HERPUD2: variants seen among roughly 807,000 people sequenced by gnomAD.
HERPUD2 encodes the protein HERPUD family member 2, also known as homocysteine-responsive endoplasmic reticulum-resident ubiquitin-like domain member 2 protein.
In HERPUD2, 13 loss-of-function variants were observed where a neutral mutation model predicts 49.9. The ratio of observed to expected loss-of-function variants is 0.26; its 90% CI spans 0.17 to 0.41. The LOEUF is 0.41. Among genes scored for constraint, HERPUD2 ranks in the 10% least tolerant of loss-of-function variants. HERPUD2 has a pLI of 1.00. For missense variants in HERPUD2, 449 were observed against 492.2 expected, an observed-to-expected ratio of 0.91 and a Z score of 0.83; for synonymous variants, 172 against 171.4, an observed-to-expected ratio of 1.00 and a Z score of -0.03.
chr7:35,656,440 AT>A (rs1785276658), intron 5 of HERPUD2, among the ~76,000 whole-genome samples: 1 of 152,078 alleles, frequency 6.6e-6, no homozygotes, highest in African/African-American at 2.4e-5. Context: ...TACCAATGTC[AT>A]TTTTTACAGA....
At chr7:35,667,736 G>A (rs6970687) in intron 4 of HERPUD2, 148 bp from the exon 5 acceptor site, 86,554 of 573,690 alleles carry the variant, frequency 0.15, 7,844 homozygotes, top group East Asian at 0.32. Flanking sequence ...TCCAGTATAA[G>A]TAGATATTTT....
At chr7:35,641,685 T>G (rs1784969760) in intron 5 of HERPUD2, among the ~76,000 whole-genome samples, 1 of 152,150 alleles carries the variant, frequency 6.6e-6, no homozygotes, top group Non-Finnish European at 1.5e-5. Flanking sequence ...CTGTCTGATC[T>G]TTGATAAAGC....
intron 5 of HERPUD2, among the ~76,000 whole-genome samples, chr7:35,665,250 C>T (rs1374382636): frequency 6.6e-6 from 1 of 152,224 alleles, no homozygotes; most frequent in South Asian, 2.1e-4. Flanking sequence ...CCTCCTTGAG[C>T]TGAGGTGGGC....
intron 2 of HERPUD2, among the ~76,000 whole-genome samples, chr7:35,675,538 C>T (rs10261410): frequency 0.61 from 92,296 of 151,954 alleles, 28,449 homozygotes; most frequent in East Asian, 0.73. Flanking sequence ...GATACTTTTA[C>T]GTCATATCAT....
Position 35,694,262 on chromosome 7 carries a change from G to T in HERPUD2, c.69C>A (p.Asp23Glu). 6.2e-7 allele frequency: 1 copy of T among 1,614,066 alleles called. No individual in the cohort carries two copies. The highest frequency in any genetic ancestry group is 8.5e-7 in the Non-Finnish European group (1 of 1,179,992). Residue 23 changes from aspartate (D) to glutamate (E), a missense_variant, in exon 2 of 9, where the codon GAC becomes GAA. Physicochemically the swap from Asp to Glu is conservative, Grantham distance 45. Coordinates refer to ENST00000311350, the MANE Select transcript of HERPUD2 (RefSeq NM_022373.5). Reference sequence around the variant, plus strand: ...AGTTCAAGAAGCAGCTAATAGTCTGGTCACTGTATTTCTGATTCGGTGCTT... The same window carrying T: ...AGTTCAAGAAGCAGCTAATAGTCTGTTCACTGTATTTCTGATTCGGTGCTT... ...IIKAPNQKYS[D>E]QTISCFLNWT... is the part of the protein sequence containing the mutation.
At chr7:35,633,884 T>G (rs1421884598) in intron 8 of HERPUD2, 33 bp from the exon 9 acceptor site, 19 of 1,597,964 alleles carry the variant, frequency 1.2e-5, no homozygotes, top group Non-Finnish European at 1.5e-5. Context: ...TACTCCTGAG[T>G]GATATGAACG....
intron 5 of HERPUD2, among the ~76,000 whole-genome samples, chr7:35,645,558 C>T (rs1785039716): frequency 6.6e-6 from 1 of 152,090 alleles, no homozygotes; most frequent in African/African-American, 2.4e-5. Context: ...GCCCTCACTT[C>T]CATTGTCAAT....
intron 5 of HERPUD2, among the ~76,000 whole-genome samples, chr7:35,658,844 T>A (rs1210300436): frequency 6.6e-6 from 1 of 152,206 alleles, no homozygotes. Context: ...AATGTATTGC[T>A]TTGTCCTTCT....
Position 35,673,206 on chromosome 7 carries a change from T to C in HERPUD2, c.220A>G (p.Arg74Gly), listed in dbSNP as rs1785681915. The C allele has an allele frequency of 6.2e-7, 1 of 1,610,842 alleles. No individual in the cohort carries two copies. The highest frequency in any genetic ancestry group is 1.3e-5 in the African/African-American group (1 of 74,852). The change falls in exon 3 of 9, where the codon AGA (arginine) becomes GGA (glycine). Residue 74 changes from arginine (R) to glycine (G), a missense_variant. Coordinates refer to ENST00000311350, the MANE Select transcript of HERPUD2 (RefSeq NM_022373.5). ...ATAGTGGTAGAAAAGCTTACTTTTC[T>C]GAGAATGTCTTTCAGCTGCAGATGA... ...PDHLQLKDIL[R>G]KQDEYHMVHL...
intron 5 of HERPUD2, among the ~76,000 whole-genome samples, chr7:35,649,680 T>C (rs140862313): frequency 4.2e-4 from 64 of 152,296 alleles, no homozygotes; most frequent in African/African-American, 1.3e-3. Flanking sequence ...AAAATATTAT[T>C]GGCAATTGGG....
intron 5 of HERPUD2, among the ~76,000 whole-genome samples, chr7:35,656,603 G>A (rs1785280067): frequency 1.3e-5 from 2 of 152,172 alleles, no homozygotes; most frequent in Admixed American, 1.3e-4. Context: ...CATGGTATTG[G>A]TATAAAAATA....
At chr7:35,655,421 T>G (rs186050274) in intron 5 of HERPUD2, among the ~76,000 whole-genome samples, 5 of 152,186 alleles carry the variant, frequency 3.3e-5, no homozygotes, top group Admixed American at 6.5e-5. Context: ...ATTCAATAGA[T>G]GCAAATCAAT....
At chr7:35,688,828 C>T (rs865957023) in intron 2 of HERPUD2, among the ~76,000 whole-genome samples, 2 of 151,960 alleles carry the variant, frequency 1.3e-5, no homozygotes, top group Non-Finnish European at 2.9e-5. Flanking sequence ...TAAGTCCAAC[C>T]TGGGTTCAAA....
intron 6 of HERPUD2, among the ~76,000 whole-genome samples, chr7:35,635,965 A>C (rs1784865585): frequency 6.6e-6 from 1 of 152,236 alleles, no homozygotes; most frequent in South Asian, 2.1e-4. Context: ...AATACATCTC[A>C]GATAACAACC....
At chr7:35,657,425 T>TTCC (rs1785298143) in intron 5 of HERPUD2, among the ~76,000 whole-genome samples, 2 of 151,968 alleles carry the variant, frequency 1.3e-5, no homozygotes, top group Admixed American at 1.3e-4. Context: ...TGTAAATTAG[T>TTCC]ACAGCCACTA....
rs138726789 is a variant in HERPUD2, at chr7:35,670,139, T to C, written c.339+76A>G. 7.4e-5 allele frequency: 47 copies of C among 636,796 alleles called. No homozygotes were observed. The East Asian group carries it at 1.3e-3, about 18-fold the overall frequency. The allele number at this position is 636,796 out of a possible 1,614,324, so 39.4% of individuals were successfully genotyped here. Reference sequence around the variant, plus strand: ...TCCAATTGTTCTGTTTTTCATTTAGTTTTTAGAGGCAAAAAATAAGACGAC... The same window carrying C: ...TCCAATTGTTCTGTTTTTCATTTAGCTTTTAGAGGCAAAAAATAAGACGAC... On this transcript the variant is annotated intron_variant, in intron 4 of 8. Transcript: ENST00000311350.
intron 3 of HERPUD2, among the ~76,000 whole-genome samples, chr7:35,672,376 A>G (rs1328616817): frequency 6.6e-6 from 1 of 152,074 alleles, no homozygotes; most frequent in Non-Finnish European, 1.5e-5. Flanking sequence ...CATATTGCCA[A>G]TAACAGCAAG....
At position 35,694,438 on chromosome 7, in the gene HERPUD2, T is replaced by C; in HGVS notation, c.-108A>G. ...GATGAGGACAGAAGTGAGTTCTTAG[T>C]ATTCCGTGTCCAAGTCAGTTACAAG... On this transcript the variant is annotated 5_prime_UTR_variant, in exon 2 of 9. The change creates a new upstream start codon in the 5' untranslated region. Coordinates refer to ENST00000311350, the MANE Select transcript of HERPUD2 (RefSeq NM_022373.5). The C allele has an allele frequency of 8.8e-7, 1 of 1,139,468 alleles. No individual in the cohort carries two copies. The highest frequency in any genetic ancestry group is 2.4e-5 in the East Asian group (1 of 42,214). The allele number at this position is 1,139,468 out of a possible 1,614,324, so 70.6% of individuals were successfully genotyped here. A position where few individuals can be genotyped will look rare whatever the true frequency, so the allele number is the denominator to read the frequency against.
At chr7:35,643,584 TTATATGTGTGTATACA>T in intron 5 of HERPUD2, among the ~76,000 whole-genome samples, 1 of 151,924 alleles carries the variant, frequency 6.6e-6, no homozygotes, top group Non-Finnish European at 1.5e-5. Context: ...GAGGATATAT[TTATATGTGTGTATACA>T]TATATGTGTG....
Sources: gnomAD v4.1 joint callset for allele counts (sites outside exome capture counted in the v4.1 genomes callset) on GRCh38, gnomAD v4.1.1 for gene constraint, MANE v1.5 for transcripts, NCBI Gene and HGNC (gene_info 2026-07-23, HGNC 2026-07-21) for gene names.